PCDH11X: variants seen among roughly 807,000 people sequenced by gnomAD.
PCDH11X encodes protocadherin-11 X-linked.
In PCDH11X, 18 loss-of-function variants were observed where a neutral mutation model predicts 53.3. The observed-to-expected ratio is 0.34, with a 90% CI of 0.23 to 0.50. The LOEUF (loss-of-function observed/expected upper bound fraction) is 0.50, where lower values mean the gene tolerates loss of function less well. PCDH11X is among the 20% of genes least tolerant of loss of function. The pLI, the probability that PCDH11X is intolerant of heterozygous loss-of-function variation, is 0.98. For synonymous variants in PCDH11X, 279 were observed against 393.3 expected (o/e 0.71, Z 3.44); for missense variants, 570 against 1,032.4 (o/e 0.55, Z 6.14).
At chrX:92,212,578 G>A (rs887065793) in intron 7 of PCDH11X, among the ~76,000 whole-genome samples, 8 of 111,031 alleles carry the variant, frequency 7.2e-5, no homozygotes, top group Middle Eastern at 4.7e-3. Context: ...GCAAACTGCC[G>A]ACATTAGGTG....
chrX:92,510,319 C>A (rs1304038697), intron 10 of PCDH11X, among the ~76,000 whole-genome samples: 1 of 94,682 alleles, frequency 1.1e-5, no homozygotes, highest in African/African-American at 3.7e-5. Flanking sequence ...TCTTGAGTAG[C>A]AACTTGTGGA....
intron 5 of PCDH11X, among the ~76,000 whole-genome samples, chrX:91,865,695 G>T (rs1449806788): frequency 1.8e-5 from 2 of 112,236 alleles, no homozygotes; most frequent in Non-Finnish European, 3.8e-5. Flanking sequence ...CCGCGACTGA[G>T]TTGGCACTCA....
chrX:92,462,280 A>G (rs1200026104), intron 9 of PCDH11X, among the ~76,000 whole-genome samples: 5 of 110,765 alleles, frequency 4.5e-5, no homozygotes, highest in Non-Finnish European at 9.5e-5. Flanking sequence ...GAATTTTAAA[A>G]CTTAAGTCTT....
At chrX:92,334,450 C>G (rs760186901) in intron 8 of PCDH11X, among the ~76,000 whole-genome samples, 5 of 111,656 alleles carry the variant, frequency 4.5e-5, no homozygotes, top group Non-Finnish European at 9.4e-5. Flanking sequence ...CTAATCATCT[C>G]CAAGTGAGCA....
chrX:91,925,497 A>G (rs1941914799), intron 6 of PCDH11X, among the ~76,000 whole-genome samples: 1 of 111,456 alleles, frequency 9.0e-6, no homozygotes, highest in South Asian at 3.8e-4. Context: ...ATGATCTAGC[A>G]GTCTTTCTCT....
chrX:92,057,591 A>G (rs1457274320), intron 6 of PCDH11X, among the ~76,000 whole-genome samples: 1 of 108,317 alleles, frequency 9.2e-6, no homozygotes, highest in African/African-American at 3.4e-5. Context: ...AATAAATGAA[A>G]TAAAGATCAT....
intron 8 of PCDH11X, among the ~76,000 whole-genome samples, chrX:92,299,140 C>T (rs1419213218): frequency 4.5e-5 from 5 of 111,055 alleles, no homozygotes; most frequent in African/African-American, 9.8e-5. Context: ...TTTCTCCATA[C>T]TCCCAATAAA....
intron 6 of PCDH11X, among the ~76,000 whole-genome samples, chrX:92,016,061 AG>A (rs2062787116): frequency 8.9e-6 from 1 of 112,692 alleles, no homozygotes; most frequent in South Asian, 3.7e-4. Flanking sequence ...TATCTTTTTC[AG>A]AAGTGTTGGG....
Position 92,622,396 on chromosome X carries a change from G to A in PCDH11X, c.*3456G>A, listed in dbSNP as rs1185890913. The A allele has an allele frequency of 1.8e-5, 2 of 110,397 alleles. No individual in the cohort carries two copies. The highest frequency in any genetic ancestry group is 9.7e-5 in the Admixed American group (1 of 10,302). The allele number at this position is 110,397 out of a possible 1,213,427, so 9.1% of individuals were successfully genotyped here. On this transcript the variant is annotated 3_prime_UTR_variant, in exon 11 of 11. Coordinates refer to ENST00000682573, the MANE Select transcript of PCDH11X (RefSeq NM_032968.5). ...TACTCACATGGCTATTTCAACATTA[G>A]TTTTTTTTGTTTGTTTCTTTTTCAT...
chrX:92,201,706 A>C (rs755161896), intron 7 of PCDH11X, among the ~76,000 whole-genome samples: 1 of 112,251 alleles, frequency 8.9e-6, no homozygotes, highest in South Asian at 3.7e-4. Flanking sequence ...GCATCTTCTA[A>C]ATGTTTATTC....
intron 7 of PCDH11X, among the ~76,000 whole-genome samples, chrX:92,236,253 G>T (rs1295499090): frequency 1.8e-5 from 2 of 110,787 alleles, no homozygotes; most frequent in East Asian, 2.8e-4. Context: ...TGTAAGTCTT[G>T]AACAAATTGG....
At chrX:91,942,110 AAAAAG>A (rs2147857124) in intron 6 of PCDH11X, among the ~76,000 whole-genome samples, 1 of 110,371 alleles carries the variant, frequency 9.1e-6, no homozygotes. Flanking sequence ...GAAAAGAAAA[AAAAAG>A]AAAAGAATCA....
At chrX:91,982,853 C>A in intron 6 of PCDH11X, 1 of 903,973 alleles carries the variant, frequency 1.1e-6, no homozygotes, top group Non-Finnish European at 1.6e-6. Context: ...TTTCGAAACG[C>A]GTGTTACTGT....
chrX:92,316,042 C>G (rs5942201), intron 8 of PCDH11X, among the ~76,000 whole-genome samples: 11,076 of 79,237 alleles, frequency 0.14, 1,131 homozygotes, highest in Non-Finnish European at 0.16. Context: ...ATTATCAGTG[C>G]TCTTCTGAAG....
chrX:92,308,874 T>C (rs1301263651), intron 8 of PCDH11X, among the ~76,000 whole-genome samples: 1 of 110,470 alleles, frequency 9.1e-6, no homozygotes, highest in Non-Finnish European at 1.9e-5. Context: ...CTAATAAGCA[T>C]ATTAAGAGAT....
intron 8 of PCDH11X, among the ~76,000 whole-genome samples, chrX:92,378,435 AAAAG>A (rs1043834381): frequency 9.1e-6 from 1 of 109,793 alleles, no homozygotes; most frequent in African/African-American, 3.3e-5. Context: ...AAATGCCAAA[AAAAG>A]AGTCTATTAT....
intron 8 of PCDH11X, among the ~76,000 whole-genome samples, chrX:92,341,281 C>T (rs969738492): frequency 9.0e-6 from 1 of 111,726 alleles, no homozygotes; most frequent in African/African-American, 3.3e-5. Context: ...TCCTCATCTT[C>T]CTGTCTTCCT....
intron 6 of PCDH11X, among the ~76,000 whole-genome samples, chrX:92,179,920 G>T (rs1263968233): frequency 9.0e-6 from 1 of 111,453 alleles, no homozygotes; most frequent in African/African-American, 3.3e-5. Context: ...GCAACATGTG[G>T]ATCACTTGAT....
At chrX:91,926,254 T>A (rs977165808) in intron 6 of PCDH11X, among the ~76,000 whole-genome samples, 2 of 110,051 alleles carry the variant, frequency 1.8e-5, no homozygotes, top group Non-Finnish European at 1.9e-5. Flanking sequence ...GTAGGCCATC[T>A]GCTGGAGAAT....
Sources: allele counts gnomAD v4.1 joint callset (sites outside exome capture counted in the v4.1 genomes callset), GRCh38; gene constraint gnomAD v4.1.1; transcripts MANE v1.5; gene names NCBI Gene and HGNC (gene_info 2026-07-23, HGNC 2026-07-21).